Variants in CNTN6 observed in about 807,000 individuals in gnomAD.
The protein encoded by CNTN6 is contactin-6.
In CNTN6, 137 loss-of-function variants were observed where a neutral mutation model predicts 122.8. The observed-to-expected ratio is 1.12, with a 90% CI of 0.97 to 1.29. The LOEUF is 1.29. CNTN6 is among the 50% of genes most tolerant of loss of function. CNTN6 has a pLI of 0.00. For missense variants in CNTN6, 1,634 were observed against 1,223.4 expected (o/e 1.34, Z -5.01); for synonymous variants, 570 against 426.0 (o/e 1.34, Z -4.16).
chr3:1,276,358 C>T (rs4538358), intron 4 of CNTN6, among the ~76,000 whole-genome samples: 9 of 152,186 alleles, frequency 5.9e-5, no homozygotes, highest in African/African-American at 1.4e-4. Flanking sequence ...TTAGATTTGA[C>T]GTATTCTTTC....
chr3:1,287,232 G>A (rs1014278297), intron 5 of CNTN6, among the ~76,000 whole-genome samples: 3 of 152,022 alleles, frequency 2.0e-5, no homozygotes, highest in Admixed American at 2.0e-4. Flanking sequence ...AGACATCTAC[G>A]GGAGTAATTC....
chr3:1,245,951 A>G (rs1325351547), intron 4 of CNTN6, among the ~76,000 whole-genome samples: 1 of 152,156 alleles, frequency 6.6e-6, no homozygotes, highest in Non-Finnish European at 1.5e-5. Flanking sequence ...TAACGTTTTA[A>G]GAAAATGTAT....
chr3:1,132,451 A>G (rs2092361062), intron 1 of CNTN6, among the ~76,000 whole-genome samples: 1 of 151,940 alleles, frequency 6.6e-6, no homozygotes, highest in Non-Finnish European at 1.5e-5. Flanking sequence ...TGGGCTGGGT[A>G]TGGTGGTTGA....
intron 5 of CNTN6, among the ~76,000 whole-genome samples, chr3:1,293,845 G>A (rs147954928): frequency 1.6e-4 from 25 of 152,118 alleles, no homozygotes; most frequent in Middle Eastern, 6.8e-3. Flanking sequence ...CCTAGTTTCC[G>A]CAGTACACCT....
chr3:1,391,995 G>T (rs144494403), intron 20 of CNTN6, among the ~76,000 whole-genome samples: 1,568 of 152,258 alleles, frequency 0.01, 14 homozygotes, highest in African/African-American at 0.033. Flanking sequence ...GTAATTTATA[G>T]ATTTAATGCC....
chr3:1,271,922 A>G (rs2095033879), intron 4 of CNTN6, among the ~76,000 whole-genome samples: 1 of 152,160 alleles, frequency 6.6e-6, no homozygotes, highest in South Asian at 2.1e-4. Context: ...ATCCCCACCC[A>G]AATCCCACAT....
intron 1 of CNTN6, among the ~76,000 whole-genome samples, chr3:1,112,892 A>G (rs946993486): frequency 2.0e-5 from 3 of 152,156 alleles, no homozygotes; most frequent in African/African-American, 7.2e-5. Flanking sequence ...TTGGGGAGAA[A>G]AGCAAACATA....
intron 2 of CNTN6, among the ~76,000 whole-genome samples, chr3:1,214,383 A>G (rs1242646733): frequency 1.6e-5 from 2 of 128,262 alleles, no homozygotes; most frequent in African/African-American, 3.1e-5. Context: ...ATCTCAGCTC[A>G]CTGCAACCTC....
At chr3:1,099,392 A>T (rs9862774) in intron 1 of CNTN6, among the ~76,000 whole-genome samples, 5,511 of 151,678 alleles carry the variant, frequency 0.036, 143 homozygotes, top group South Asian at 0.059. Context: ...CGGAGCTTGC[A>T]GTGAGCCGAG....
chr3:1,366,555 C>T (rs1182026444), intron 12 of CNTN6, among the ~76,000 whole-genome samples: 2 of 151,998 alleles, frequency 1.3e-5, no homozygotes, highest in Non-Finnish European at 2.9e-5. Flanking sequence ...GGACTGAAGC[C>T]CCTCTTCTTT....
intron 4 of CNTN6, among the ~76,000 whole-genome samples, chr3:1,258,387 T>A (rs758492039): frequency 1.6e-4 from 24 of 152,096 alleles, no homozygotes; most frequent in Non-Finnish European, 3.5e-4. Context: ...CTGCAAAAAG[T>A]GTCAAAGCTT....
At position 1,135,882 on chromosome 3, in the gene CNTN6, C is replaced by T. The variant is rs568720410; in HGVS notation, c.-82-12045C>T. On this transcript the variant is annotated intron_variant, in intron 1 of 22. Coordinates refer to ENST00000446702, the MANE Select transcript of CNTN6 (RefSeq NM_001289080.2). ...TGGTGAGCGCCTGTAATCCCAGCTA[C>T]TCGGGAGGCTAAGGCAGGAAAATCA... 8.5e-5 allele frequency among the ~76,000 whole-genome samples: 13 copies of T among 152,204 alleles called. No homozygotes were observed. In the South Asian group the frequency reaches 2.7e-3, roughly 32 times the overall value.
At chr3:1,107,874 T>C (rs976652397) in intron 1 of CNTN6, among the ~76,000 whole-genome samples, 7 of 152,058 alleles carry the variant, frequency 4.6e-5, no homozygotes, top group African/African-American at 1.7e-4. Context: ...TAGGTCTAAA[T>C]TGCAGTTTCA....
In CNTN6 at chr3:1,321,617, C is replaced by T. The variant is rs760957325; in HGVS notation, c.762-33C>T. On this transcript the variant is annotated intron_variant, in intron 7 of 22. Coordinates refer to ENST00000446702, the MANE Select transcript of CNTN6 (RefSeq NM_001289080.2). ...TATTTTGCTGTCATAAAGATTAAACCGTCTTCTATTCTAATGAGGTGTAAC... is the reference window on the plus strand; with the variant it reads ...TATTTTGCTGTCATAAAGATTAAACTGTCTTCTATTCTAATGAGGTGTAAC... The T allele has an allele frequency of 7.2e-6, 11 of 1,530,440 alleles. No homozygotes were observed. In the South Asian group the frequency reaches 1.4e-4, roughly 19 times the overall value. The allele number at this position is 1,530,440 out of a possible 1,614,324, so 94.8% of individuals were successfully genotyped here.
At chr3:1,133,973 A>G (rs1320986735) in intron 1 of CNTN6, among the ~76,000 whole-genome samples, 4 of 151,306 alleles carry the variant, frequency 2.6e-5, no homozygotes, top group South Asian at 4.2e-4. Context: ...TTCACAATCA[A>G]TCGGCCTCCT....
chr3:1,312,039 T>C (rs1214286386), intron 7 of CNTN6, among the ~76,000 whole-genome samples: 1 of 151,950 alleles, frequency 6.6e-6, no homozygotes, highest in East Asian at 1.9e-4. Flanking sequence ...TTTAGAAAAT[T>C]AGGATTATTG....
intron 4 of CNTN6, among the ~76,000 whole-genome samples, chr3:1,252,752 A>G (rs1575430477): frequency 6.6e-6 from 1 of 152,124 alleles, no homozygotes; most frequent in South Asian, 2.1e-4. Flanking sequence ...ACTCAAGGGG[A>G]AAGACAGGCT....
intron 19 of CNTN6, among the ~76,000 whole-genome samples, chr3:1,384,276 C>T (rs1417926885): frequency 1.3e-5 from 2 of 150,532 alleles, no homozygotes; most frequent in African/African-American, 2.4e-5. Context: ...ATTAATTATT[C>T]AAATTGCAGT....
intron 4 of CNTN6, among the ~76,000 whole-genome samples, chr3:1,277,096 T>G (rs577589520): frequency 3.0e-4 from 45 of 152,170 alleles, no homozygotes; most frequent in Non-Finnish European, 5.0e-4. Context: ...TGATCTCTGG[T>G]TAGACAAGCA....
Sources: allele counts gnomAD v4.1 joint callset (sites outside exome capture counted in the v4.1 genomes callset), GRCh38; gene constraint gnomAD v4.1.1; transcripts MANE v1.5; gene names NCBI Gene and HGNC (gene_info 2026-07-23, HGNC 2026-07-21).